Variants in KIAA0825 observed in about 807,000 individuals in gnomAD.
KIAA0825 encodes the protein KIAA0825.
Under a neutral mutation model 147.6 loss-of-function variants are expected in KIAA0825, and 119 were observed. The ratio of observed to expected loss-of-function variants is 0.81; its 90% confidence interval spans 0.69 to 0.94. The LOEUF (loss-of-function observed/expected upper bound fraction) is 0.94, where lower values mean the gene tolerates loss of function less well. Among genes scored for constraint, KIAA0825 ranks in the 40% least tolerant of loss-of-function variants. The pLI, the probability that KIAA0825 is intolerant of heterozygous loss-of-function variation, is 0.00. For synonymous variants in KIAA0825, 470 were observed against 518.1 expected, an observed-to-expected ratio of 0.91 and a Z score of 1.26; for missense variants, 1,381 against 1,472.7, an observed-to-expected ratio of 0.94 and a Z score of 1.02.
chr5:94,447,344 T>TA (rs1421287624), intron 13 of KIAA0825, among the ~76,000 whole-genome samples: 2 of 152,038 alleles, frequency 1.3e-5, no homozygotes, highest in African/African-American at 4.8e-5. Context: ...GTTCAATATT[T>TA]AATTGCCAGG....
chr5:94,306,104 C>T (rs935723424), intron 20 of KIAA0825, among the ~76,000 whole-genome samples: 3 of 151,288 alleles, frequency 2.0e-5, no homozygotes, highest in Admixed American at 6.6e-5. Flanking sequence ...AACAAAATAG[C>T]GATATATATA....
intron 1 of KIAA0825, among the ~76,000 whole-genome samples, chr5:94,595,472 C>T (rs1785122852): frequency 6.6e-6 from 1 of 152,174 alleles, no homozygotes; most frequent in African/African-American, 2.4e-5. Flanking sequence ...AGCAGCAAAG[C>T]CATGGGCCAA....
rs1759958064 is a variant in KIAA0825 at position 94,462,451 on chromosome 5, T to C, written c.2182A>G (p.Thr728Ala). ...GTTGTAAACAGATTATTACAATGAG[T>C]GTGAATTTTAAAAATTTTATCATCT... Reference protein sequence around the residue: ...HTDDKIFKIHTHCNNLFTTLV... With the variant: ...HTDDKIFKIHAHCNNLFTTLV... Residue 728 changes from threonine to alanine, a missense_variant, in exon 12 of 21, where the codon ACT becomes GCT. Transcript: ENST00000682413. The C allele has an allele frequency of 6.6e-7, 1 of 1,515,740 alleles. No homozygotes were observed. Among genetic ancestry groups the C allele is most frequent in the South Asian group, 1.2e-5 (1 of 82,612 alleles). The allele number at this position is 1,515,740 out of a possible 1,614,324, so 93.9% of individuals were successfully genotyped here. A position where few individuals can be genotyped will look rare whatever the true frequency, so the allele number is the denominator to read the frequency against.
chr5:94,190,933 G>T (rs950106011), intron 20 of KIAA0825, among the ~76,000 whole-genome samples: 4 of 152,078 alleles, frequency 2.6e-5, no homozygotes, highest in Admixed American at 6.5e-5. Context: ...CTAGACATCT[G>T]AGTTAGTATG....
intron 20 of KIAA0825, among the ~76,000 whole-genome samples, chr5:94,313,339 A>G (rs1779346186): frequency 6.6e-6 from 1 of 151,648 alleles, no homozygotes; most frequent in Admixed American, 6.6e-5. Context: ...GCTCGATATG[A>G]ATAAATTGAC....
At chr5:94,459,872 T>G (rs1759591603) in intron 12 of KIAA0825, among the ~76,000 whole-genome samples, 1 of 152,152 alleles carries the variant, frequency 6.6e-6, no homozygotes, top group Non-Finnish European at 1.5e-5. Flanking sequence ...ATTCTACTTT[T>G]TATTATAGAT....
intron 20 of KIAA0825, among the ~76,000 whole-genome samples, chr5:94,338,103 C>A (rs886742054): frequency 2.6e-5 from 4 of 152,128 alleles, no homozygotes; most frequent in South Asian, 2.1e-4. Context: ...TGGTTCAGTA[C>A]AACACCCAGG....
chr5:94,471,340 T>C (rs935333187), intron 9 of KIAA0825, 126 bp downstream of exon 9: 2 of 1,049,096 alleles, frequency 1.9e-6, no homozygotes, highest in East Asian at 5.2e-5. Flanking sequence ...CAAATGAAAA[T>C]AATTCACCTT....
chr5:94,222,768 A>C (rs1214909883), intron 20 of KIAA0825, among the ~76,000 whole-genome samples: 1 of 152,164 alleles, frequency 6.6e-6, no homozygotes. Context: ...ATTCGACCAT[A>C]TGCCAGATAC....
chr5:94,543,652 T>C (rs777573765), intron 2 of KIAA0825, among the ~76,000 whole-genome samples: 9 of 152,076 alleles, frequency 5.9e-5, no homozygotes, highest in Non-Finnish European at 1.2e-4. Context: ...GAAGAAGTTA[T>C]GGAAGATGGA....
At chr5:94,285,607 C>T (rs1777636028) in intron 20 of KIAA0825, among the ~76,000 whole-genome samples, 1 of 152,090 alleles carries the variant, frequency 6.6e-6, no homozygotes, top group Non-Finnish European at 1.5e-5. Flanking sequence ...TTTAGGTTGT[C>T]AGTGATGCAG....
At chr5:94,496,150 G>A (rs775135500) in intron 5 of KIAA0825, among the ~76,000 whole-genome samples, 13 of 152,180 alleles carry the variant, frequency 8.5e-5, no homozygotes, top group Non-Finnish European at 1.6e-4. Context: ...GGCAAATCTG[G>A]CCCAGAGCCT....
chr5:94,361,286 C>T (rs1419768789), intron 20 of KIAA0825, among the ~76,000 whole-genome samples: 1 of 152,072 alleles, frequency 6.6e-6, no homozygotes, highest in Admixed American at 6.6e-5. Context: ...GGGCAGGGCT[C>T]CCATTTCGTG....
intron 20 of KIAA0825, among the ~76,000 whole-genome samples, chr5:94,268,675 A>G (rs1776847317): frequency 2.0e-5 from 3 of 152,160 alleles, no homozygotes; most frequent in Admixed American, 6.5e-5. Context: ...CTGCCTATCT[A>G]TTGAGTTACA....
At chr5:94,475,088 CAA>C (rs796762483) in intron 7 of KIAA0825, among the ~76,000 whole-genome samples, 4 of 121,682 alleles carry the variant, frequency 3.3e-5, no homozygotes, top group Admixed American at 8.5e-5. Context: ...GACTCCATCT[CAA>C]AAAAAAAAAA....
chr5:94,158,972 G>C (rs549308772), intron 20 of KIAA0825, among the ~76,000 whole-genome samples: 1 of 152,344 alleles, frequency 6.6e-6, no homozygotes, highest in East Asian at 1.9e-4. Flanking sequence ...AGTCCTGGGT[G>C]TGGTCAGTTA....
At chr5:94,253,795 G>T (rs1471726071) in intron 20 of KIAA0825, among the ~76,000 whole-genome samples, 1 of 152,226 alleles carries the variant, frequency 6.6e-6, no homozygotes, top group East Asian at 1.9e-4. Flanking sequence ...CCTCATTAAG[G>T]CTTGCTTCAT....
At chr5:94,239,053 A>G (rs1775214728) in intron 20 of KIAA0825, among the ~76,000 whole-genome samples, 1 of 152,178 alleles carries the variant, frequency 6.6e-6, no homozygotes, top group African/African-American at 2.4e-5. Flanking sequence ...TTGTGTATGT[A>G]AAAGTTGTTC....
At chr5:94,461,206 G>T (rs752624460) in intron 12 of KIAA0825, among the ~76,000 whole-genome samples, 11 of 151,832 alleles carry the variant, frequency 7.2e-5, no homozygotes, top group Non-Finnish European at 1.6e-4. Context: ...GCATTGGGGG[G>T]CTAAAATTTT....
Sources: allele counts gnomAD v4.1 joint callset (sites outside exome capture counted in the v4.1 genomes callset), GRCh38; gene constraint gnomAD v4.1.1; transcripts MANE v1.5; gene names NCBI Gene and HGNC (gene_info 2026-07-23, HGNC 2026-07-21).